Variants in CHM observed in about 807,000 individuals in gnomAD.
The protein encoded by CHM is rab proteins geranylgeranyltransferase component A 1.
Under a neutral mutation model 49.0 loss-of-function variants are expected in CHM, and 10 were observed. That is an observed-to-expected ratio of 0.20 (90% CI 0.13 to 0.35). CHM has a LOEUF of 0.35. CHM is among the 10% of genes least tolerant of loss of function. The pLI, the probability that CHM is intolerant of heterozygous loss-of-function variation, is 1.00. For synonymous variants in CHM, 184 were observed against 167.5 expected (o/e 1.10, Z -0.76); for missense variants, 455 against 478.4 (o/e 0.95, Z 0.46).
intron 1 of CHM, among the ~76,000 whole-genome samples, chrX:86,038,130 T>A (rs1219488716): frequency 9.0e-6 from 1 of 111,658 alleles, no homozygotes; most frequent in East Asian, 2.8e-4. Flanking sequence ...GGCAAACCTC[T>A]CTCCCTTTCT....
intron 2 of CHM, among the ~76,000 whole-genome samples, chrX:86,000,633 T>C (rs368212801): frequency 9.0e-6 from 1 of 110,978 alleles, no homozygotes; most frequent in East Asian, 2.8e-4. Context: ...TAAAGAAATA[T>C]TGTATATATA....
At chrX:85,993,357 C>G (rs1163369610) in intron 2 of CHM, among the ~76,000 whole-genome samples, 1 of 111,476 alleles carries the variant, frequency 9.0e-6, no homozygotes, top group Non-Finnish European at 1.9e-5. Context: ...TTCATCATTC[C>G]TTCCTCACAT....
At chrX:85,994,985 T>C (rs1237285779) in intron 2 of CHM, among the ~76,000 whole-genome samples, 1 of 110,887 alleles carries the variant, frequency 9.0e-6, no homozygotes, top group Non-Finnish European at 1.9e-5. Context: ...CAAAGTAGTA[T>C]GTAGAGAGAA....
chrX:85,949,481 A>G (rs1353862779), intron 8 of CHM, among the ~76,000 whole-genome samples: 6 of 110,912 alleles, frequency 5.4e-5, no homozygotes, highest in Non-Finnish European at 9.4e-5. Context: ...AAGTGGCAAC[A>G]TAAGAGGAAA....
chrX:85,975,627 T>A lies in CHM; in HGVS notation c.314+3140A>T, dbSNP rs750810065. ...CAAGATTATAGAGCTGGAAAACAGA[T>A]TAGTGATTGTCAGGAGTTATGAATG... On this transcript the variant is annotated intron_variant, in intron 4 of 14. Transcript: ENST00000357749. Among the ~76,000 whole-genome samples, 47 of 112,243 alleles carry A rather than the reference T, an allele frequency of 4.2e-4. No homozygotes were observed. In the East Asian group the frequency reaches 0.01, roughly 25 times the overall value.
intron 12 of CHM, among the ~76,000 whole-genome samples, chrX:85,891,249 C>G (rs1446804608): frequency 1.8e-5 from 2 of 112,168 alleles, no homozygotes; most frequent in African/African-American, 6.5e-5. Context: ...AGGAGAAATT[C>G]AAGCCTGTTG....
At chrX:85,993,641 A>G (rs773677014) in intron 2 of CHM, among the ~76,000 whole-genome samples, 1 of 111,933 alleles carries the variant, frequency 8.9e-6, no homozygotes, top group South Asian at 3.7e-4. Flanking sequence ...GCATTGCTAT[A>G]AGACCCTTCA....
intron 7 of CHM, among the ~76,000 whole-genome samples, chrX:85,957,171 T>C (rs1220684720): frequency 8.9e-6 from 1 of 112,217 alleles, no homozygotes; most frequent in South Asian, 3.6e-4. Context: ...GCACTTCTCA[T>C]TGTAACTTTA....
chrX:85,963,519 C>A lies in CHM; in HGVS notation c.702+146G>T, dbSNP rs760891325. ...ACTTTAAATATGTTTTTAATTTGTA[C>A]TTAAGGAATATTTTAAATGAATTAC... On this transcript the variant is annotated intron_variant, in intron 5 of 14. Transcript: ENST00000357749. 1.0e-5 allele frequency: 5 copies of A among 480,272 alleles called. No homozygotes were observed. The East Asian group carries it at 1.1e-4, about 11-fold the overall frequency. 39.6% of individuals were successfully genotyped at this position (480,272 alleles called of 1,213,427 possible). A position where few individuals can be genotyped will look rare whatever the true frequency, so the allele number is the denominator to read the frequency against.
chrX:86,034,112 C>T (rs1934142994), intron 1 of CHM, among the ~76,000 whole-genome samples: 2 of 111,233 alleles, frequency 1.8e-5, no homozygotes, highest in South Asian at 7.6e-4. Context: ...TGTGACCTCA[C>T]GAAAGTCACT....
intron 8 of CHM, among the ~76,000 whole-genome samples, chrX:85,920,849 A>G (rs1262843465): frequency 8.9e-6 from 1 of 112,249 alleles, no homozygotes; most frequent in Non-Finnish European, 1.9e-5. Context: ...AAGCAACAGA[A>G]TCAGATGATC....
chrX:85,964,755 C>T (rs1001086984), intron 4 of CHM, among the ~76,000 whole-genome samples: 2 of 112,195 alleles, frequency 1.8e-5, no homozygotes, highest in African/African-American at 6.5e-5. Context: ...TTACTCTAGT[C>T]GAAGCCCCAT....
At chrX:85,901,550 C>T (rs1926289704) in intron 9 of CHM, among the ~76,000 whole-genome samples, 1 of 111,058 alleles carries the variant, frequency 9.0e-6, no homozygotes, top group African/African-American at 3.3e-5. Context: ...TTTTTCCCCC[C>T]TTCACAGCTC....
chrX:85,938,975 T>C (rs1429514433), intron 8 of CHM, among the ~76,000 whole-genome samples: 3 of 112,206 alleles, frequency 2.7e-5, no homozygotes, highest in Non-Finnish European at 1.9e-5. Context: ...CATAAGATTC[T>C]AATACTGTAT....
At chrX:85,938,834 T>G (rs769130153) in intron 8 of CHM, among the ~76,000 whole-genome samples, 73 of 110,517 alleles carry the variant, frequency 6.6e-4, no homozygotes, top group Non-Finnish European at 1.0e-3. Context: ...GTGTGTGTGT[T>G]TTTAATGATG....
intron 9 of CHM, among the ~76,000 whole-genome samples, chrX:85,905,711 C>A (rs1926549028): frequency 9.0e-6 from 1 of 110,893 alleles, no homozygotes; most frequent in Admixed American, 9.6e-5. Context: ...TGCGGGGTTA[C>A]AAAGGCAAGT....
At chrX:86,025,799 G>A (rs762388322) in intron 2 of CHM, among the ~76,000 whole-genome samples, 3 of 109,775 alleles carry the variant, frequency 2.7e-5, no homozygotes, top group African/African-American at 6.6e-5. Flanking sequence ...GGTAAATTTC[G>A]AAAAATTACT....
intron 2 of CHM, among the ~76,000 whole-genome samples, chrX:86,006,612 A>G (rs1337947188): frequency 9.0e-6 from 1 of 111,628 alleles, no homozygotes; most frequent in Admixed American, 9.5e-5. Flanking sequence ...ATTCCTATAC[A>G]CCAATAACAG....
intron 4 of CHM, among the ~76,000 whole-genome samples, chrX:85,975,411 A>T (rs1931197182): frequency 8.9e-6 from 1 of 112,052 alleles, no homozygotes; most frequent in African/African-American, 3.2e-5. Flanking sequence ...ATGTTTCTCA[A>T]TGGGTGAATG....
Sources: gnomAD v4.1 joint callset for allele counts (sites outside exome capture counted in the v4.1 genomes callset) on GRCh38, gnomAD v4.1.1 for gene constraint, MANE v1.5 for transcripts, NCBI Gene and HGNC (gene_info 2026-07-23, HGNC 2026-07-21) for gene names.